Variants in RGS3 observed in about 807,000 individuals in gnomAD.
The protein encoded by RGS3 is regulator of G-protein signalling 3.
RGS3 carries 80 observed loss-of-function variants against 132.6 expected under a neutral mutation model. The ratio of observed to expected loss-of-function variants is 0.60; its 90% confidence interval spans 0.50 to 0.73. RGS3 has a LOEUF of 0.73. Ranked by LOEUF, RGS3 falls within the 30% of genes least tolerant of loss-of-function variation. The probability of loss-of-function intolerance (pLI) is 0.00; values close to 1 mark genes in which losing one functional copy is unlikely to be tolerated. For missense variants in RGS3, 1,382 were observed against 1,530.8 expected, an observed-to-expected ratio of 0.90 and a Z score of 1.62; for synonymous variants, 598 against 620.6, an observed-to-expected ratio of 0.96 and a Z score of 0.54.
In RGS3 at chr9:113,565,416, G is replaced by C; in HGVS notation, c.2038-18034G>C. 1 of 1,282,566 alleles carries C rather than the reference G, an allele frequency of 7.8e-7. No individual in the cohort carries two copies. Among genetic ancestry groups the C allele is most frequent in the Non-Finnish European group, 1.0e-6 (1 of 982,016 alleles). 79.4% of individuals were successfully genotyped at this position (1,282,566 alleles called of 1,614,324 possible). On this transcript the variant is annotated intron_variant, in intron 19 of 24. Coordinates refer to ENST00000350696, the Ensembl canonical transcript of RGS3. This position sits in a 1 kb window ranked among gnomAD's most constrained non-coding sequence, Gnocchi z 5.7. ...AGGAAGAGGAGGAGGACAAGTAGGA[G>C]GAGGAGGAAGAGGAGGAGGGACGGG...
At position 113,596,646 on chromosome 9, in the gene RGS3, C is replaced by T. The variant is rs10981838; in HGVS notation, c.3412-122C>T. The stretch of plus-strand genomic sequence containing the variant: ...TCTGAGGGTCTCTACTTCAGATGAA[C>T]CTTAAGATGTGGGGCAAAGGGGCTT... On this transcript the variant is annotated intron_variant, in intron 24 of 24. Transcript: ENST00000350696. 3.8e-4 allele frequency: 294 copies of T among 776,640 alleles called. 2 individuals are homozygous for T. In the East Asian group the frequency reaches 7.2e-3, roughly 19 times the overall value. The allele number at this position is 776,640 out of a possible 1,614,324, so 48.1% of individuals were successfully genotyped here. A position where few individuals can be genotyped will look rare whatever the true frequency, so the allele number is the denominator to read the frequency against.
chr9:113,495,921 G>A lies in RGS3; in HGVS notation c.750+75G>A, dbSNP rs1830668808. 3.0e-6 allele frequency: 4 copies of A among 1,319,270 alleles called. No individual in the cohort carries two copies. The South Asian group carries it at 3.5e-5, about 12-fold the overall frequency. 81.7% of individuals were successfully genotyped at this position (1,319,270 alleles called of 1,614,324 possible). A position where few individuals can be genotyped will look rare whatever the true frequency, so the allele number is the denominator to read the frequency against. On this transcript the variant is annotated intron_variant, in intron 8 of 24. Transcript: ENST00000350696. ...TGGTACAGGCAGAGTTTCTCTGTCA[G>A]CTCTTGGGCAGGGCTTCTCTCTGTG...
intron 13 of RGS3, 45 bp from the exon 12 acceptor site, chr9:113,508,496 C>A: frequency 6.2e-7 from 1 of 1,610,732 alleles, no homozygotes; most frequent in Non-Finnish European, 8.5e-7. Flanking sequence ...GGCTGTCCTG[C>A]CCTGTTCCTG....
intron 7 of RGS3, among the ~76,000 whole-genome samples, chr9:113,495,107 T>C (rs1830640323): frequency 6.6e-6 from 1 of 152,188 alleles, no homozygotes; most frequent in Admixed American, 6.5e-5. Context: ...ACTCCTGACC[T>C]CAAGTGATCT....
chr9:113,564,955 T>C, intron 19 of RGS3: 2 of 1,019,764 alleles, frequency 2.0e-6, no homozygotes, highest in Non-Finnish European at 2.4e-6. Context: ...TGGCTTGGTC[T>C]TGCAGGGAGC....
chr9:113,470,985 A>G (rs1829811580), intron 3 of RGS3, among the ~76,000 whole-genome samples: 1 of 152,096 alleles, frequency 6.6e-6, no homozygotes, highest in Non-Finnish European at 1.5e-5. Context: ...AACAACAAAC[A>G]AACAGTATAG....
chr9:113,447,848 CT>C (rs1350413411), intron 1 of RGS3, among the ~76,000 whole-genome samples: 16,039 of 129,390 alleles, frequency 0.12, 650 homozygotes, highest in African/African-American at 0.15. Context: ...TACCCCTAGT[CT>C]TTTTTTTTTT....
intron 19 of RGS3, among the ~76,000 whole-genome samples, chr9:113,561,759 A>G (rs1450032841): frequency 6.6e-6 from 1 of 152,114 alleles, no homozygotes; most frequent in Non-Finnish European, 1.5e-5. Flanking sequence ...ACGCAATGGA[A>G]GCAGTAAAGG....
intron 3 of RGS3, among the ~76,000 whole-genome samples, chr9:113,472,504 G>A (rs901667727): frequency 1.3e-4 from 20 of 152,180 alleles, no homozygotes; most frequent in African/African-American, 3.6e-4. Context: ...TATGCTAAGT[G>A]AAAGAAGTCA....
intron 1 of RGS3, among the ~76,000 whole-genome samples, chr9:113,448,095 C>A (rs1366576197): frequency 6.6e-6 from 1 of 152,042 alleles, no homozygotes; most frequent in East Asian, 1.9e-4. Context: ...TGGGCTCAAG[C>A]CATCCTCCTG....
chr9:113,465,441 G>C (rs1188607596), intron 3 of RGS3, among the ~76,000 whole-genome samples: 1 of 131,082 alleles, frequency 7.6e-6, no homozygotes, highest in African/African-American at 2.9e-5. Flanking sequence ...ACCTATTTCT[G>C]TGTGTGTGTG....
At chr9:113,514,081 A>G (rs1326164081) in intron 14 of RGS3, among the ~76,000 whole-genome samples, 1 of 152,162 alleles carries the variant, frequency 6.6e-6, no homozygotes, top group East Asian at 1.9e-4. Context: ...GTGAGGACAG[A>G]TCTTCTGATT....
At chr9:113,590,012 T>C (rs887645563) in intron 20 of RGS3, 1 of 152,158 alleles carries the variant, frequency 6.6e-6, no homozygotes, top group African/African-American at 2.4e-5. Context: ...TGTTTACAAC[T>C]CTGGTGGGGC....
chr9:113,547,558 C>T (rs1195233483), intron 19 of RGS3, among the ~76,000 whole-genome samples: 1 of 152,312 alleles, frequency 6.6e-6, no homozygotes, highest in Non-Finnish European at 1.5e-5. Flanking sequence ...TAGGTTGGTG[C>T]AAAAGTAACT....
intron 20 of RGS3, among the ~76,000 whole-genome samples, chr9:113,588,699 T>C (rs1835255888): frequency 6.6e-6 from 1 of 152,340 alleles, no homozygotes; most frequent in Non-Finnish European, 1.5e-5. Flanking sequence ...CAATAAATAA[T>C]GGCAAAACCC....
intron 3 of RGS3, among the ~76,000 whole-genome samples, chr9:113,464,871 C>T (rs1829576574): frequency 6.6e-6 from 1 of 152,194 alleles, no homozygotes; most frequent in African/African-American, 2.4e-5. Flanking sequence ...CTTCTGTTTT[C>T]AGGCTTACTC....
rs1241419075 is a variant in RGS3 at position 113,506,161 on chromosome 9, G to A, written c.980-227G>A. ...GAGAGGTAAGCCAGCAGTAGGGGAG[G>A]TAAGCCAGCAGTAGGGGAGGCAAGC... On this transcript the variant is annotated intron_variant, in intron 11 of 24. Transcript: ENST00000350696. The surrounding 1 kb of genome is among the most constrained non-coding windows in gnomAD (Gnocchi z 4.7). Among the ~76,000 whole-genome samples, 1 of 152,112 alleles carries A rather than the reference G, an allele frequency of 6.6e-6. No homozygotes were observed. The highest frequency in any genetic ancestry group is 6.6e-5 in the Admixed American group (1 of 15,264).
chr9:113,466,970 G>A (rs376695730), intron 3 of RGS3, among the ~76,000 whole-genome samples: 2 of 151,736 alleles, frequency 1.3e-5, no homozygotes, highest in African/African-American at 2.4e-5. Context: ...AAATGGAATC[G>A]TATTTTTTTT....
chr9:113,593,829 G>C, intron 21 of RGS3: 1 of 1,278,066 alleles, frequency 7.8e-7, no homozygotes, highest in African/African-American at 1.5e-5. Context: ...CTGCCACCCC[G>C]GTGGTGGGCA....
Sources: gnomAD v4.1 joint callset for allele counts (sites outside exome capture counted in the v4.1 genomes callset) on GRCh38, gnomAD v4.1.1 for gene constraint, Gnocchi (gnomAD v3.1) non-coding constraint, MANE v1.5 for transcripts, NCBI Gene and HGNC (gene_info 2026-07-23, HGNC 2026-07-21) for gene names.